Variants in HECW2 observed in about 807,000 individuals in gnomAD.
HECW2 encodes the protein HECT, C2 and WW domain containing E3 ubiquitin protein ligase 2.
In HECW2, 61 loss-of-function variants were observed where a neutral mutation model predicts 175.2. The ratio of observed to expected loss-of-function variants is 0.35; its 90% CI spans 0.28 to 0.43. HECW2 has a LOEUF of 0.43. Among genes scored for constraint, HECW2 ranks in the 20% least tolerant of loss-of-function variants. HECW2 has a pLI of 1.00. For missense variants in HECW2, 1,524 were observed against 2,000.5 expected (o/e 0.76, Z 4.54); for synonymous variants, 671 against 731.0 (o/e 0.92, Z 1.32).
At chr2:196,505,610 G>A (rs1174109965) in intron 1 of HECW2, among the ~76,000 whole-genome samples, 1 of 151,992 alleles carries the variant, frequency 6.6e-6, no homozygotes, top group Non-Finnish European at 1.5e-5. Flanking sequence ...ACTTGGAAAA[G>A]ACCAATAAAG....
chr2:196,287,321 T>C (rs865953996), intron 14 of HECW2, among the ~76,000 whole-genome samples: 2 of 152,202 alleles, frequency 1.3e-5, no homozygotes, highest in African/African-American at 4.8e-5. Flanking sequence ...GGAAAGATAT[T>C]TCACTTTAAA....
intron 1 of HECW2, among the ~76,000 whole-genome samples, chr2:196,582,248 T>G (rs550320819): frequency 9.2e-5 from 14 of 152,298 alleles, no homozygotes; most frequent in African/African-American, 2.6e-4. Flanking sequence ...AAATTCAATT[T>G]CGGTAGCCAC....
At chr2:196,507,940 T>C (rs1044115023) in intron 1 of HECW2, among the ~76,000 whole-genome samples, 1 of 152,228 alleles carries the variant, frequency 6.6e-6, no homozygotes, top group Non-Finnish European at 1.5e-5. Context: ...CCTGTGACAT[T>C]AACACTCCTC....
chr2:196,252,090 TG>T (rs1688875455), intron 19 of HECW2, among the ~76,000 whole-genome samples: 1 of 151,494 alleles, frequency 6.6e-6, no homozygotes, highest in African/African-American at 2.4e-5. Flanking sequence ...TCCTAGCTAC[TG>T]GGGAGGCTGA....
At chr2:196,363,132 C>T (rs1234836379) in intron 2 of HECW2, among the ~76,000 whole-genome samples, 1 of 152,044 alleles carries the variant, frequency 6.6e-6, no homozygotes, top group East Asian at 1.9e-4. Context: ...TCACCCTGTC[C>T]AGGCCTCTTC....
intron 2 of HECW2, among the ~76,000 whole-genome samples, chr2:196,356,983 C>T (rs1693394511): frequency 6.6e-6 from 1 of 152,146 alleles, no homozygotes; most frequent in South Asian, 2.1e-4. Context: ...GACCATGCTC[C>T]TCAACACTAC....
chr2:196,469,992 T>C (rs946542872), intron 1 of HECW2, among the ~76,000 whole-genome samples: 27 of 152,060 alleles, frequency 1.8e-4, no homozygotes, highest in Non-Finnish European at 3.7e-4. Context: ...TAGTTAAAAC[T>C]TTCTTTAAAA....
At chr2:196,504,405 C>T (rs150316150) in intron 1 of HECW2, among the ~76,000 whole-genome samples, 3 of 152,140 alleles carry the variant, frequency 2.0e-5, no homozygotes, top group African/African-American at 7.2e-5. Flanking sequence ...TACATACTCA[C>T]CTTGGCTCAC....
At chr2:196,461,674 G>C (rs367911088) in intron 1 of HECW2, among the ~76,000 whole-genome samples, 1 of 152,134 alleles carries the variant, frequency 6.6e-6, no homozygotes, top group Non-Finnish European at 1.5e-5. Context: ...AGGTTAAAGG[G>C]AAGCAAGGCA....
At chr2:196,392,858 G>A (rs1365636887) in intron 2 of HECW2, among the ~76,000 whole-genome samples, 1 of 152,094 alleles carries the variant, frequency 6.6e-6, no homozygotes, top group Non-Finnish European at 1.5e-5. Flanking sequence ...ACAATCCTAA[G>A]CCAAAAGAAC....
chr2:196,528,066 G>T (rs534033550), intron 1 of HECW2, among the ~76,000 whole-genome samples: 1 of 152,068 alleles, frequency 6.6e-6, no homozygotes, highest in Admixed American at 6.5e-5. Flanking sequence ...CCCATAGCAG[G>T]AACTAAAAAG....
intron 28 of HECW2, among the ~76,000 whole-genome samples, chr2:196,207,262 A>G (rs1202651673): frequency 6.6e-6 from 1 of 152,218 alleles, no homozygotes; most frequent in African/African-American, 2.4e-5. Context: ...CAGATGATGA[A>G]TTCAAGGGCG....
intron 2 of HECW2, among the ~76,000 whole-genome samples, chr2:196,420,275 C>T (rs2030996): frequency 0.93 from 141,400 of 152,280 alleles, 65,964 homozygotes; most frequent in East Asian, 1. Context: ...CTGCACACTA[C>T]TGTGAGGCAA....
intron 6 of HECW2, among the ~76,000 whole-genome samples, chr2:196,323,219 G>T (rs1692013900): frequency 6.6e-6 from 1 of 152,216 alleles, no homozygotes; most frequent in South Asian, 2.1e-4. Context: ...ATAAAAGTAT[G>T]AGGTTAAGAT....
chr2:196,372,271 C>T (rs1693928256), intron 2 of HECW2, among the ~76,000 whole-genome samples: 1 of 152,206 alleles, frequency 6.6e-6, no homozygotes, highest in Non-Finnish European at 1.5e-5. Context: ...GTCATAAATA[C>T]ATGGGACACG....
chr2:196,387,335 G>C lies in HECW2; in HGVS notation c.293-43571C>G, dbSNP rs573701127. ...AGGTAGGCCTTTAAGCAGTGATTAGGTCATGAGGATAAAGCCCTCATGAAT... is the reference window on the plus strand; with the variant it reads ...AGGTAGGCCTTTAAGCAGTGATTAGCTCATGAGGATAAAGCCCTCATGAAT... On this transcript the variant is annotated intron_variant, in intron 2 of 28. Transcript: ENST00000644978. Among the ~76,000 whole-genome samples, 11 of 152,238 alleles carry C rather than the reference G, an allele frequency of 7.2e-5. No homozygotes were observed. The South Asian group carries it at 2.1e-3, about 29-fold the overall frequency.
At chr2:196,293,068 G>C (rs1690664610) in intron 13 of HECW2, among the ~76,000 whole-genome samples, 1 of 152,138 alleles carries the variant, frequency 6.6e-6, no homozygotes, top group Non-Finnish European at 1.5e-5. Flanking sequence ...CGTGTGCCAT[G>C]GTGGTTTGCT....
chr2:196,566,699 A>ATTTTTTTTTTTTTTTTT (rs58391487), intron 1 of HECW2, among the ~76,000 whole-genome samples: 3 of 94,206 alleles, frequency 3.2e-5, no homozygotes, highest in African/African-American at 8.3e-5. Flanking sequence ...CACCCAGCTA[A>ATTTTTTTTTTTTTTTTT]TTTTTTTTTT....
intron 1 of HECW2, among the ~76,000 whole-genome samples, chr2:196,479,713 A>T (rs1686780733): frequency 6.6e-6 from 1 of 152,058 alleles, no homozygotes; most frequent in Non-Finnish European, 1.5e-5. Context: ...ACCTCTCCAG[A>T]TCTCCTTATT....
Sources: allele counts gnomAD v4.1 joint callset (sites outside exome capture counted in the v4.1 genomes callset), GRCh38; gene constraint gnomAD v4.1.1; transcripts MANE v1.5; gene names NCBI Gene and HGNC (gene_info 2026-07-23, HGNC 2026-07-21).